Variants in ADAM23 observed in about 807,000 individuals in gnomAD.
ADAM23 encodes disintegrin and metalloproteinase domain-containing protein 23.
ADAM23 carries 33 observed loss-of-function variants against 120.1 expected under a neutral mutation model. The ratio of observed to expected loss-of-function variants is 0.27; its 90% CI spans 0.21 to 0.37. The LOEUF (loss-of-function observed/expected upper bound fraction) is 0.37, where lower values mean the gene tolerates loss of function less well. Among genes scored for constraint, ADAM23 ranks in the 10% least tolerant of loss-of-function variants. ADAM23 has a pLI of 1.00. For synonymous variants in ADAM23, 367 were observed against 375.2 expected (o/e 0.98, Z 0.25); for missense variants, 862 against 1,058.2 (o/e 0.81, Z 2.57).
chr2:206,552,312 A>G (rs534747723), intron 9 of ADAM23, among the ~76,000 whole-genome samples: 1 of 152,314 alleles, frequency 6.6e-6, no homozygotes, highest in East Asian at 1.9e-4. Flanking sequence ...ATAATATATC[A>G]GGAAAGTACA....
At chr2:206,516,844 C>G (rs141950547) in intron 3 of ADAM23, among the ~76,000 whole-genome samples, 1 of 151,900 alleles carries the variant, frequency 6.6e-6, no homozygotes, top group Non-Finnish European at 1.5e-5. Context: ...GAGCTGGCAC[C>G]CAACCTACCC....
In ADAM23 at chr2:206,466,799, C is replaced by T. The variant is rs114541440; in HGVS notation, c.433-14433C>T. Reference sequence around the variant, plus strand: ...TAAATCTCATGACAGCTCACTACTGCGATGCCAGCTCCAAGGGGGATGGCT... The same window carrying T: ...TAAATCTCATGACAGCTCACTACTGTGATGCCAGCTCCAAGGGGGATGGCT... On this transcript the variant is annotated intron_variant, in intron 2 of 25. Transcript: ENST00000264377. Among the ~76,000 whole-genome samples, 721 of 152,282 alleles carry T rather than the reference C, an allele frequency of 4.7e-3. 3 individuals carry two copies. Among genetic ancestry groups the T allele is most frequent in the Non-Finnish European group, 7.0e-3 (474 of 68,032 alleles).
chr2:206,552,110 G>A (rs1242414700), intron 9 of ADAM23, among the ~76,000 whole-genome samples: 2 of 152,108 alleles, frequency 1.3e-5, no homozygotes, highest in Non-Finnish European at 2.9e-5. Flanking sequence ...ATTGTGGCAT[G>A]TTGTGAAATT....
Position 206,445,391 on chromosome 2 carries a change from A to G in ADAM23, c.299A>G (p.Asn100Ser), listed in dbSNP as rs1695060283. ...ACATTGCAACAGAATAGCAGCAGTAATATCAGTTACAGCAATGCAATGCAG... is the reference window on the plus strand; with the variant it reads ...ACATTGCAACAGAATAGCAGCAGTAGTATCAGTTACAGCAATGCAATGCAG... ...DNTLQQNSSS[N>S]ISYSNAMQKE... The change falls in exon 2 of 26, where the codon AAT becomes AGT. Residue 100 changes from asparagine (N) to serine (S), a missense_variant. By Grantham distance (46) the Asn-to-Ser change is conservative (BLOSUM62 1). This residue lies in a region of ADAM23 where 225 missense variants were observed against 204.0 expected (regional missense o/e 1.10). Coordinates refer to ENST00000264377, the MANE Select transcript of ADAM23 (RefSeq NM_003812.4). 4.3e-6 allele frequency: 7 copies of G among 1,614,188 alleles called. No homozygotes were observed. The highest frequency in any genetic ancestry group is 2.2e-5 in the East Asian group (1 of 44,882).
intron 2 of ADAM23, among the ~76,000 whole-genome samples, chr2:206,450,675 T>G (rs1239402035): frequency 4.6e-5 from 7 of 152,364 alleles, no homozygotes; most frequent in Non-Finnish European, 2.9e-5. Context: ...TCAACAATTC[T>G]TAGATAATGT....
intron 2 of ADAM23, among the ~76,000 whole-genome samples, chr2:206,474,965 G>T (rs1695746971): frequency 6.6e-6 from 1 of 152,130 alleles, no homozygotes. Flanking sequence ...AAACATTGAG[G>T]CTTGCAGATG....
At chr2:206,570,943 A>G in intron 16 of ADAM23, 132 bp downstream of exon 16, 1 of 717,686 alleles carries the variant, frequency 1.4e-6, no homozygotes, top group Admixed American at 2.3e-5. Context: ...ATTAGTGCTT[A>G]ATTCAACTCA....
At chr2:206,464,779 C>T (rs569085129) in intron 2 of ADAM23, among the ~76,000 whole-genome samples, 1 of 152,034 alleles carries the variant, frequency 6.6e-6, no homozygotes, top group South Asian at 2.1e-4. Context: ...GCGGGGGAGG[C>T]TACTGGAATC....
At chr2:206,495,097 T>G (rs1696211968) in intron 3 of ADAM23, among the ~76,000 whole-genome samples, 1 of 152,176 alleles carries the variant, frequency 6.6e-6, no homozygotes, top group African/African-American at 2.4e-5. Flanking sequence ...CCAGGAGAAC[T>G]TCCCCAATCT....
At chr2:206,444,822 T>G (rs1695043857) in intron 1 of ADAM23, among the ~76,000 whole-genome samples, 9 of 152,194 alleles carry the variant, frequency 5.9e-5, no homozygotes, top group Admixed American at 5.9e-4. Flanking sequence ...TCGATTAATA[T>G]TCGGTATCCA....
At chr2:206,454,514 T>C (rs1695256034) in intron 2 of ADAM23, among the ~76,000 whole-genome samples, 1 of 152,248 alleles carries the variant, frequency 6.6e-6, no homozygotes, top group East Asian at 1.9e-4. Context: ...TTCTCACATT[T>C]CAAAACCAAT....
chr2:206,570,280 A>T (rs1697969783), intron 15 of ADAM23, among the ~76,000 whole-genome samples: 1 of 152,026 alleles, frequency 6.6e-6, no homozygotes, highest in Non-Finnish European at 1.5e-5. Context: ...ACTTGCATTT[A>T]CTTGATTGTA....
intron 3 of ADAM23, among the ~76,000 whole-genome samples, chr2:206,492,571 G>A (rs987220590): frequency 6.6e-5 from 10 of 152,170 alleles, no homozygotes; most frequent in Admixed American, 1.3e-4. Flanking sequence ...CCAAGACCAA[G>A]CCTTGATATC....
At chr2:206,617,210 T>TGA (rs1167851350) in intron 25 of ADAM23, among the ~76,000 whole-genome samples, 32 of 152,268 alleles carry the variant, frequency 2.1e-4, no homozygotes, top group African/African-American at 7.2e-4. Context: ...GTTCTCCCAA[T>TGA]AGGCTCCTTC....
chr2:206,580,477 T>C (rs993257773), intron 18 of ADAM23, among the ~76,000 whole-genome samples: 2 of 152,226 alleles, frequency 1.3e-5, no homozygotes, highest in Non-Finnish European at 2.9e-5. Context: ...GAGATGATCA[T>C]GTGATTTTTG....
intron 18 of ADAM23, among the ~76,000 whole-genome samples, chr2:206,581,017 A>AG (rs1391406274): frequency 6.6e-6 from 1 of 152,156 alleles, no homozygotes; most frequent in Non-Finnish European, 1.5e-5. Context: ...TGTTCATAGT[A>AG]GCTTGAATGA....
intron 24 of ADAM23, among the ~76,000 whole-genome samples, chr2:206,608,275 A>G (rs1267288311): frequency 2.0e-5 from 3 of 152,176 alleles, no homozygotes; most frequent in Non-Finnish European, 4.4e-5. Context: ...ACTTTTTTGC[A>G]AAAGCAGACA....
intron 24 of ADAM23, among the ~76,000 whole-genome samples, chr2:206,598,598 C>T (rs1312610023): frequency 6.6e-6 from 1 of 152,068 alleles, no homozygotes; most frequent in African/African-American, 2.4e-5. Flanking sequence ...CTCAGAGGTG[C>T]TCAAGATAAG....
At chr2:206,473,604 A>G (rs1695710012) in intron 2 of ADAM23, among the ~76,000 whole-genome samples, 1 of 150,938 alleles carries the variant, frequency 6.6e-6, no homozygotes. Flanking sequence ...AATAATAACA[A>G]CAACAACAAC....
Sources: allele counts gnomAD v4.1 joint callset (sites outside exome capture counted in the v4.1 genomes callset), GRCh38; gene constraint gnomAD v4.1.1; regional missense constraint gnomAD v4.1.1; transcripts MANE v1.5; gene names NCBI Gene and HGNC (gene_info 2026-07-23, HGNC 2026-07-21).